DOCK1: variants seen among roughly 807,000 people sequenced by gnomAD.
DOCK1 encodes the protein dedicator of cytokinesis protein 1.
DOCK1 carries 138 observed loss-of-function variants against 262.7 expected under a neutral mutation model. The observed-to-expected ratio is 0.53, with a 90% confidence interval of 0.46 to 0.61. The LOEUF (loss-of-function observed/expected upper bound fraction) is 0.61. DOCK1 is among the 20% of genes least tolerant of loss of function. The probability of loss-of-function intolerance (pLI) is 0.00; values close to 1 mark genes in which losing one functional copy is unlikely to be tolerated. For synonymous variants in DOCK1, 866 were observed against 867.4 expected, an observed-to-expected ratio of 1.00 and a Z score of 0.03; for missense variants, 1,908 against 2,370.7, an observed-to-expected ratio of 0.80 and a Z score of 4.05.
chr10:127,339,548 G>GC (rs1045303851), intron 30 of DOCK1, among the ~76,000 whole-genome samples: 9 of 150,248 alleles, frequency 6.0e-5, no homozygotes, highest in African/African-American at 2.0e-4. Flanking sequence ...CAGAGACCCT[G>GC]CCCCCCAGAC....
intron 22 of DOCK1, among the ~76,000 whole-genome samples, chr10:127,058,530 A>G (rs1008487796): frequency 3.3e-5 from 5 of 151,894 alleles, no homozygotes; most frequent in African/African-American, 4.8e-5. Flanking sequence ...TTAGATTTAT[A>G]TATTATTTTT....
At chr10:126,915,845 T>C (rs955017861) in intron 1 of DOCK1, among the ~76,000 whole-genome samples, 2 of 151,734 alleles carry the variant, frequency 1.3e-5, no homozygotes, top group African/African-American at 4.8e-5. Context: ...CTGTGCTGTT[T>C]AATTCTTTTG....
intron 1 of DOCK1, among the ~76,000 whole-genome samples, chr10:126,906,964 C>T (rs1478643670): frequency 6.6e-6 from 1 of 152,150 alleles, no homozygotes; most frequent in Admixed American, 6.5e-5. Flanking sequence ...TGAGCTTCCT[C>T]CCCATCTCCC....
chr10:126,984,552 A>G (rs1010512438), intron 4 of DOCK1, among the ~76,000 whole-genome samples: 1 of 149,994 alleles, frequency 6.7e-6, no homozygotes, highest in Non-Finnish European at 1.5e-5. Context: ...TTTTTTCAGT[A>G]GAGATGGGGT....
Position 127,042,809 on chromosome 10 carries a change from C to G in DOCK1, c.2100+95C>G, listed in dbSNP as rs968356662. On this transcript the variant is annotated intron_variant, in intron 20 of 51. Coordinates refer to ENST00000623213, the MANE Select transcript of DOCK1 (RefSeq NM_001290223.2). ...GAGTCGGGGGCTTCGTCACAGTGACCTTGAACGCATTTTCAGTTGTAAATC... is the reference window on the plus strand; with the variant it reads ...GAGTCGGGGGCTTCGTCACAGTGACGTTGAACGCATTTTCAGTTGTAAATC... The G allele has an allele frequency of 9.4e-6, 12 of 1,282,134 alleles. No individual in the cohort carries two copies. In the African/African-American group the frequency reaches 1.8e-4, roughly 19 times the overall value. 79.4% of individuals were successfully genotyped at this position (1,282,134 alleles called of 1,614,324 possible).
chr10:126,928,849 G>A (rs1040050537), intron 1 of DOCK1, among the ~76,000 whole-genome samples: 2 of 152,208 alleles, frequency 1.3e-5, no homozygotes, highest in African/African-American at 2.4e-5. Flanking sequence ...ATTTCTAAGC[G>A]TTATTTTGTA....
At chr10:127,398,485 C>T (rs1414661436) in intron 38 of DOCK1, among the ~76,000 whole-genome samples, 1 of 152,182 alleles carries the variant, frequency 6.6e-6, no homozygotes, top group African/African-American at 2.4e-5. Flanking sequence ...CCTGGGCCTC[C>T]CTGGCTCCTG....
intron 27 of DOCK1, among the ~76,000 whole-genome samples, chr10:127,242,127 G>A (rs750220701): frequency 2.6e-5 from 4 of 152,122 alleles, no homozygotes; most frequent in Non-Finnish European, 5.9e-5. Context: ...GTCTTTAGTT[G>A]CATCTCCTCA....
At chr10:127,150,796 G>T (rs2052412473) in intron 27 of DOCK1, among the ~76,000 whole-genome samples, 1 of 152,206 alleles carries the variant, frequency 6.6e-6, no homozygotes, top group African/African-American at 2.4e-5. Flanking sequence ...GGTCAAGTAT[G>T]GATTCAGAAG....
chr10:127,398,634 G>GA lies in DOCK1; in HGVS notation c.3928-4415dup, dbSNP rs562710421. On this transcript the variant is annotated intron_variant, in intron 38 of 51. Transcript: ENST00000623213. ...TGACTCTTTTCCCAATAACTGCTGT[G>GA]AAAAAACAGAACAGATGAATTTTAG... Among the ~76,000 whole-genome samples the GA allele has an allele frequency of 1.1e-3, 160 of 152,330 alleles. 2 individuals carry two copies. The highest frequency in any genetic ancestry group is 3.6e-3 in the African/African-American group (150 of 41,578).
intron 30 of DOCK1, 91 bp from the exon 31 acceptor site, chr10:127,343,555 T>C: frequency 1.9e-6 from 2 of 1,057,402 alleles, no homozygotes; most frequent in South Asian, 1.6e-5. Context: ...CAGAAGTGTG[T>C]GCTGAGCAAA....
chr10:127,107,746 G>C (rs947239411), intron 24 of DOCK1, among the ~76,000 whole-genome samples: 6 of 152,184 alleles, frequency 3.9e-5, no homozygotes, highest in African/African-American at 1.4e-4. Context: ...CCCCGTGCAG[G>C]TGCTTCCAGG....
intron 29 of DOCK1, among the ~76,000 whole-genome samples, chr10:127,331,426 C>T (rs1320938662): frequency 1.3e-5 from 2 of 152,270 alleles, no homozygotes; most frequent in Non-Finnish European, 2.9e-5. Flanking sequence ...GGATTACAGA[C>T]GCCTGCCACC....
chr10:127,135,546 C>CAGA (rs1363042246), intron 27 of DOCK1: 1 of 152,526 alleles, frequency 6.6e-6, no homozygotes, highest in Non-Finnish European at 1.5e-5. Context: ...TGCGTTTTAC[C>CAGA]TTGCTTTTGT....
intron 23 of DOCK1, among the ~76,000 whole-genome samples, chr10:127,065,663 T>C (rs369061714): frequency 3.4e-4 from 52 of 152,294 alleles, no homozygotes; most frequent in African/African-American, 1.3e-3. Flanking sequence ...CCATATTGAC[T>C]TTCCCTCAGC....
intron 13 of DOCK1, 62 bp downstream of exon 13, chr10:127,018,897 G>A (rs2042203543): frequency 6.2e-7 from 1 of 1,600,284 alleles, no homozygotes; most frequent in East Asian, 2.2e-5. Context: ...CACGGAGGAT[G>A]ACGTGTGGGC....
chr10:127,031,820 C>T, intron 17 of DOCK1, 67 bp downstream of exon 17: 2 of 1,348,712 alleles, frequency 1.5e-6, no homozygotes, highest in Non-Finnish European at 2.1e-6. Flanking sequence ...GCTCCCTGAC[C>T]TGGACCAACC....
At chr10:127,037,616 CTG>C in intron 18 of DOCK1, 101 bp from the exon 19 acceptor site, 1 of 973,230 alleles carries the variant, frequency 1.0e-6, no homozygotes, top group Non-Finnish European at 1.5e-6. Flanking sequence ...GTTGATTTCT[CTG>C]TTCACAAAAT....
chr10:127,408,199 G>T (rs572955593), intron 40 of DOCK1, among the ~76,000 whole-genome samples: 1 of 152,206 alleles, frequency 6.6e-6, no homozygotes, highest in East Asian at 1.9e-4. Flanking sequence ...TCCCCTCCCC[G>T]CCCCGGACTG....
Sources: gnomAD v4.1 joint callset for allele counts (sites outside exome capture counted in the v4.1 genomes callset) on GRCh38, gnomAD v4.1.1 for gene constraint, MANE v1.5 for transcripts, NCBI Gene and HGNC (gene_info 2026-07-23, HGNC 2026-07-21) for gene names.